The following KCNMA1 variants were observed in gnomAD, a reference collection of about 807,000 sequenced individuals.
The protein encoded by KCNMA1 is potassium calcium-activated channel subfamily M alpha 1.
Under a neutral mutation model 140.0 loss-of-function variants are expected in KCNMA1, and 29 were observed. The ratio of observed to expected loss-of-function variants is 0.21; its 90% CI spans 0.15 to 0.28. KCNMA1 has a LOEUF of 0.28. Ranked by LOEUF, KCNMA1 falls within the 10% of genes least tolerant of loss-of-function variation. KCNMA1 has a pLI of 1.00. For missense variants in KCNMA1, 880 were observed against 1,602.2 expected (o/e 0.55, Z 7.70); for synonymous variants, 612 against 611.9 (o/e 1.00, Z 0.00).
intron 2 of KCNMA1, among the ~76,000 whole-genome samples, chr10:77,284,055 C>A (rs1264334906): frequency 6.6e-6 from 1 of 152,080 alleles, no homozygotes; most frequent in East Asian, 1.9e-4. Flanking sequence ...ACATGCAAAG[C>A]CCAGTGGCAA....
At chr10:77,074,086 A>C (rs957418016) in intron 13 of KCNMA1, among the ~76,000 whole-genome samples, 6 of 152,216 alleles carry the variant, frequency 3.9e-5, no homozygotes, top group African/African-American at 1.4e-4. Context: ...AAAGATTTAC[A>C]AGGCTTTCAT....
intron 9 of KCNMA1, among the ~76,000 whole-genome samples, chr10:77,106,273 AAG>A (rs892023228): frequency 6.0e-4 from 91 of 151,610 alleles, no homozygotes; most frequent in Non-Finnish European, 1.1e-3. Flanking sequence ...AAAAAAGAGA[AAG>A]AGAGAGAGAG....
chr10:77,371,985 A>G (rs1473917430), intron 2 of KCNMA1, among the ~76,000 whole-genome samples: 1 of 152,204 alleles, frequency 6.6e-6, no homozygotes, highest in African/African-American at 2.4e-5. Context: ...CTACCTTCAC[A>G]TAGTTGGTTC....
At chr10:76,949,084 G>A in intron 22 of KCNMA1, 58 bp downstream of exon 22, 1 of 1,292,460 alleles carries the variant, frequency 7.7e-7, no homozygotes, top group Non-Finnish European at 1.1e-6. Context: ...ATCCATCCGG[G>A]ATTTTCTTTT....
intron 25 of KCNMA1, among the ~76,000 whole-genome samples, chr10:76,894,943 A>G (rs915373475): frequency 1.3e-5 from 2 of 152,118 alleles, no homozygotes; most frequent in African/African-American, 4.8e-5. Flanking sequence ...TCTGCCTCCA[A>G]AGAAAGAAAA....
intron 25 of KCNMA1, chr10:76,902,178 G>A (rs933625721): frequency 3.9e-5 from 6 of 152,242 alleles, no homozygotes; most frequent in African/African-American, 1.4e-4. Context: ...CAAACCAGGT[G>A]CTAGAACTTC....
chr10:77,260,153 T>C (rs934320327), intron 2 of KCNMA1, among the ~76,000 whole-genome samples: 4 of 151,732 alleles, frequency 2.6e-5, no homozygotes, highest in African/African-American at 9.7e-5. Flanking sequence ...ACCGCGGTGG[T>C]AGAGGTCGAG....
chr10:77,589,536 A>G (rs2078328010), intron 1 of KCNMA1, among the ~76,000 whole-genome samples: 1 of 152,186 alleles, frequency 6.6e-6, no homozygotes, highest in Admixed American at 6.5e-5. Flanking sequence ...ACACACACAC[A>G]CACACGCACA....
At chr10:77,495,587 G>A (rs993380088) in intron 1 of KCNMA1, among the ~76,000 whole-genome samples, 3 of 152,190 alleles carry the variant, frequency 2.0e-5, no homozygotes, top group East Asian at 1.9e-4. Context: ...GAGAAAAAAC[G>A]AACTCTCCAT....
At chr10:77,178,462 T>G (rs892697257) in intron 5 of KCNMA1, among the ~76,000 whole-genome samples, 2 of 152,118 alleles carry the variant, frequency 1.3e-5, no homozygotes, top group Non-Finnish European at 2.9e-5. Context: ...ATCCCAGCAC[T>G]TTGGGAGGCT....
At chr10:77,580,700 T>C (rs970246309) in intron 1 of KCNMA1, among the ~76,000 whole-genome samples, 1 of 152,036 alleles carries the variant, frequency 6.6e-6, no homozygotes, top group Non-Finnish European at 1.5e-5. Context: ...GAGGTCAGAG[T>C]CCCAAGCCAT....
At chr10:77,358,252 T>C (rs1046598229) in intron 2 of KCNMA1, among the ~76,000 whole-genome samples, 4 of 152,114 alleles carry the variant, frequency 2.6e-5, no homozygotes, top group Non-Finnish European at 4.4e-5. Context: ...GGGGCTACAC[T>C]AAGAGGAAGT....
At chr10:77,439,087 A>AAGAGAAGAGAAGAG (rs2097328004) in intron 1 of KCNMA1, among the ~76,000 whole-genome samples, 6 of 124,848 alleles carry the variant, frequency 4.8e-5, no homozygotes, top group East Asian at 2.4e-4. Context: ...AAAGAAAAGA[A>AAGAGAAGAGAAGAG]AAGAGAAGAG....
chr10:76,996,612 G>A (rs1162597409), intron 19 of KCNMA1, among the ~76,000 whole-genome samples: 2 of 152,182 alleles, frequency 1.3e-5, no homozygotes, highest in African/African-American at 2.4e-5. Flanking sequence ...TTGACACAGA[G>A]AGAGAGAGAG....
At chr10:77,381,652 C>T (rs1477281486) in intron 2 of KCNMA1, among the ~76,000 whole-genome samples, 2 of 152,226 alleles carry the variant, frequency 1.3e-5, no homozygotes, top group African/African-American at 4.8e-5. Flanking sequence ...TTTTAAATCC[C>T]TACATTCCTT....
intron 1 of KCNMA1, among the ~76,000 whole-genome samples, chr10:77,624,754 A>T (rs1355005780): frequency 6.6e-6 from 1 of 152,142 alleles, no homozygotes; most frequent in Non-Finnish European, 1.5e-5. Context: ...GTCATATGTC[A>T]AAATCAAAAA....
At chr10:76,879,088 G>T (rs2151451891) in intron 29 of KCNMA1, among the ~76,000 whole-genome samples, 1 of 152,218 alleles carries the variant, frequency 6.6e-6, no homozygotes, top group African/African-American at 2.4e-5. Context: ...CACCTGGTTT[G>T]ATAGGGGGCG....
chr10:77,030,493 A>G (rs2153539043), intron 15 of KCNMA1, among the ~76,000 whole-genome samples: 1 of 152,344 alleles, frequency 6.6e-6, no homozygotes, highest in South Asian at 2.1e-4. Context: ...TAAACTTAGT[A>G]TGGATCGTGC....
At chr10:76,880,201 A>C (rs926798797), downstream of KCNMA1, among the ~76,000 whole-genome samples, 2 of 152,216 alleles carry the variant, frequency 1.3e-5, no homozygotes, top group Non-Finnish European at 2.9e-5. Flanking sequence ...CAAAGTTGGC[A>C]TTTTGACCTT....
Sources: gnomAD v4.1 joint callset for allele counts (sites outside exome capture counted in the v4.1 genomes callset) on GRCh38, gnomAD v4.1.1 for gene constraint, MANE v1.5 for transcripts, NCBI Gene and HGNC (gene_info 2026-07-23, HGNC 2026-07-21) for gene names.